NAALADL2: variants seen among roughly 807,000 people sequenced by gnomAD.
NAALADL2 encodes N-acetylated alpha-linked acidic dipeptidase like 2.
NAALADL2 carries 76 observed loss-of-function variants against 87.2 expected under a neutral mutation model. That is an observed-to-expected ratio of 0.87 (90% CI 0.72 to 1.05). NAALADL2 has a LOEUF of 1.05. Among genes scored for constraint, NAALADL2 ranks in the 50% least tolerant of loss-of-function variants. The pLI, the probability that NAALADL2 is intolerant of heterozygous loss-of-function variation, is 0.00. For missense variants in NAALADL2, 1,089 were observed against 945.8 expected (o/e 1.15, Z -1.99); for synonymous variants, 354 against 331.0 (o/e 1.07, Z -0.75).
At chr3:175,443,556 A>G (rs1055350896) in intron 5 of NAALADL2, among the ~76,000 whole-genome samples, 38 of 152,336 alleles carry the variant, frequency 2.5e-4, no homozygotes, top group Non-Finnish European at 4.9e-4. Flanking sequence ...GGGTGAAAGC[A>G]TAACTATATA....
At chr3:175,199,864 A>ATAT (rs1560154077) in intron 2 of NAALADL2, among the ~76,000 whole-genome samples, 1 of 13,058 alleles carries the variant, frequency 7.7e-5, no homozygotes, top group African/African-American at 2.3e-4. Flanking sequence ...ATATATATAT[A>ATAT]TTTTTTTTTT....
At chr3:174,557,799 A>G (rs1050444023) in intron 2 of NAALADL2, among the ~76,000 whole-genome samples, 3 of 152,154 alleles carry the variant, frequency 2.0e-5, no homozygotes, top group Non-Finnish European at 4.4e-5. Flanking sequence ...GACCCAGCAT[A>G]TAGTCATCCT....
chr3:175,400,321 G>A (rs1326947676), intron 5 of NAALADL2, among the ~76,000 whole-genome samples: 2 of 152,018 alleles, frequency 1.3e-5, no homozygotes, highest in Non-Finnish European at 2.9e-5. Flanking sequence ...GGGCTTCATC[G>A]GTACTGGCCT....
intron 2 of NAALADL2, among the ~76,000 whole-genome samples, chr3:175,211,608 A>G (rs1741776750): frequency 6.6e-6 from 1 of 151,952 alleles, no homozygotes; most frequent in African/African-American, 2.4e-5. Flanking sequence ...ATATTTATAT[A>G]GTGTCATCTA....
intron 1 of NAALADL2, among the ~76,000 whole-genome samples, chr3:174,987,811 A>G (rs907666711): frequency 8.2e-6 from 1 of 121,328 alleles, no homozygotes; most frequent in Non-Finnish European, 1.5e-5. Flanking sequence ...TATATATATA[A>G]TTATATATAT....
At chr3:175,792,866 T>A (rs1264105205) in intron 13 of NAALADL2, among the ~76,000 whole-genome samples, 1 of 152,038 alleles carries the variant, frequency 6.6e-6, no homozygotes, top group Non-Finnish European at 1.5e-5. Flanking sequence ...TTCCTCCTGG[T>A]GGGGTAAAAG....
chr3:174,770,176 C>T lies in NAALADL2; in HGVS notation c.-9+32430C>T, dbSNP rs143103595. Among the ~76,000 whole-genome samples the T allele has an allele frequency of 3.1e-3, 468 of 152,262 alleles. 2 individuals carry two copies. The highest frequency in any genetic ancestry group is 0.011 in the African/African-American group (448 of 41,560). On this transcript the variant is annotated intron_variant, in intron 3 of 3. Coordinates refer to the NAALADL2 transcript ENST00000434257. ...GAGAACTGTACAAATAATACACAAG[C>T]TTGTCTCAGAAATATTCTGACTGTG...
intron 9 of NAALADL2, among the ~76,000 whole-genome samples, chr3:175,521,515 A>G (rs2149420138): frequency 6.6e-6 from 1 of 152,302 alleles, no homozygotes; most frequent in South Asian, 2.1e-4. Context: ...GATATGTTCA[A>G]GTCCTAACTC....
intron 5 of NAALADL2, among the ~76,000 whole-genome samples, chr3:175,355,012 C>A (rs1764197084): frequency 8.7e-6 from 1 of 115,456 alleles, no homozygotes; most frequent in African/African-American, 3.4e-5. Flanking sequence ...TATATAATTG[C>A]TATATATATA....
At chr3:175,673,982 G>T (rs1177290956) in intron 11 of NAALADL2, among the ~76,000 whole-genome samples, 1 of 151,770 alleles carries the variant, frequency 6.6e-6, no homozygotes, top group Non-Finnish European at 1.5e-5. Context: ...AAGATACATT[G>T]GTTTTCAAAG....
chr3:174,517,248 T>A (rs905069143), intron 1 of NAALADL2, among the ~76,000 whole-genome samples: 3 of 152,058 alleles, frequency 2.0e-5, no homozygotes, highest in African/African-American at 7.2e-5. Context: ...TTATTAAATG[T>A]TACAGAAGTC....
At chr3:175,792,217 C>G (rs1752878803) in intron 13 of NAALADL2, among the ~76,000 whole-genome samples, 1 of 152,076 alleles carries the variant, frequency 6.6e-6, no homozygotes, top group Admixed American at 6.6e-5. Context: ...AGAAAAAGTA[C>G]CAAAGTGCTC....
chr3:175,329,159 C>A (rs780890781), intron 5 of NAALADL2, among the ~76,000 whole-genome samples: 1 of 152,108 alleles, frequency 6.6e-6, no homozygotes, highest in Admixed American at 6.5e-5. Context: ...CCTTATGTAC[C>A]ATTTTCAGAA....
intron 1 of NAALADL2, among the ~76,000 whole-genome samples, chr3:175,085,596 G>A (rs183523539): frequency 6.6e-6 from 1 of 152,048 alleles, no homozygotes; most frequent in African/African-American, 2.4e-5. Context: ...AGAAGACAAC[G>A]GATACATTTT....
chr3:175,373,375 AT>A (rs1342928140), intron 5 of NAALADL2, among the ~76,000 whole-genome samples: 2 of 152,164 alleles, frequency 1.3e-5, no homozygotes, highest in Non-Finnish European at 2.9e-5. Context: ...ATAAAGATTT[AT>A]TTTGTCTATT....
In NAALADL2 at chr3:175,764,510, G is replaced by A. The variant is rs573560368; in HGVS notation, c.2189+9092G>A. On this transcript the variant is annotated intron_variant, in intron 13 of 13. Coordinates refer to ENST00000454872, the MANE Select transcript of NAALADL2 (RefSeq NM_207015.3). ...CCAGAATGACCTTGTGGAAGCTCAG[G>A]GGACCATTTCAAGCTAATCCAAGCC... 5.9e-4 allele frequency among the ~76,000 whole-genome samples: 88 copies of A among 150,172 alleles called. 1 individual carries two copies. Among genetic ancestry groups the A allele is most frequent in the African/African-American group, 2.2e-3 (88 of 40,612 alleles).
intron 2 of NAALADL2, among the ~76,000 whole-genome samples, chr3:175,167,318 A>G (rs1411486029): frequency 6.6e-6 from 1 of 152,116 alleles, no homozygotes; most frequent in Middle Eastern, 3.2e-3. Flanking sequence ...AGCTCTCTCA[A>G]TACAAATATT....
intron 2 of NAALADL2, among the ~76,000 whole-genome samples, chr3:174,607,242 G>A (rs1719195599): frequency 6.6e-6 from 1 of 151,810 alleles, no homozygotes; most frequent in African/African-American, 2.4e-5. Flanking sequence ...TCGAGACTAG[G>A]AAGAAACTGC....
At chr3:175,671,050 C>T (rs1259200045) in intron 11 of NAALADL2, among the ~76,000 whole-genome samples, 1 of 151,394 alleles carries the variant, frequency 6.6e-6, no homozygotes, top group Non-Finnish European at 1.5e-5. Flanking sequence ...AGACCCTAAA[C>T]AACAGGGACA....
Sources: gnomAD v4.1 joint callset for allele counts (sites outside exome capture counted in the v4.1 genomes callset) on GRCh38, gnomAD v4.1.1 for gene constraint, MANE v1.5 for transcripts, NCBI Gene and HGNC (gene_info 2026-07-23, HGNC 2026-07-21) for gene names.